GPX8: variants seen among roughly 807,000 people sequenced by gnomAD.
GPX8 encodes the protein protein peroxidase GPX8.
In GPX8, 12 loss-of-function variants were observed where a neutral mutation model predicts 17.8. The ratio of observed to expected loss-of-function variants is 0.67; its 90% CI spans 0.43 to 1.09. The LOEUF (loss-of-function observed/expected upper bound fraction) is 1.09. Ranked by LOEUF, GPX8 falls within the 50% of genes least tolerant of loss-of-function variation. The probability of loss-of-function intolerance (pLI) is 0.00; values close to 1 mark genes in which losing one functional copy is unlikely to be tolerated. For missense variants in GPX8, 209 were observed against 235.6 expected, an observed-to-expected ratio of 0.89 and a Z score of 0.74; for synonymous variants, 86 against 88.1, an observed-to-expected ratio of 0.98 and a Z score of 0.14.
chr5:55,166,863 C>G lies in GPX8; in HGVS notation c.*2645C>G, dbSNP rs999716958. ...GGCCAACATGGTGAAACCCCCATCT[C>G]TACTAAAAATACAAAAATTAGCCGG... is the stretch of plus-strand genomic sequence containing the variant. On this transcript the variant is annotated 3_prime_UTR_variant, in exon 3 of 3. Transcript: ENST00000503787. 6.6e-6 allele frequency: 1 copy of G among 152,182 alleles called. No homozygotes were observed. The highest frequency in any genetic ancestry group is 1.5e-5 in the Non-Finnish European group (1 of 68,104). The allele number at this position is 152,182 out of a possible 1,614,324, so 9.4% of individuals were successfully genotyped here.
chr5:55,164,138 G>C lies in GPX8; in HGVS notation c.550G>C (p.Glu184Gln), dbSNP rs781377475. 1 of 1,605,864 alleles carries C rather than the reference G, an allele frequency of 6.2e-7. No homozygotes were observed. The highest frequency in any genetic ancestry group is 8.5e-7 in the Non-Finnish European group (1 of 1,174,294). Residue 184 changes from glutamate (E) to glutamine (Q), a missense_variant, in exon 3 of 3, where the codon GAG (glutamate) becomes CAG (glutamine). Transcript: ENST00000503787. ...EGQVVKFWKP[E>Q]EPIEVIRPDI... is the part of the protein sequence containing the mutation. ...TCAAGTTGTGAAGTTCTGGAAGCCAGAGGAGCCCATTGAAGTCATCAGGCC... is the reference window on the plus strand; with the variant it reads ...TCAAGTTGTGAAGTTCTGGAAGCCACAGGAGCCCATTGAAGTCATCAGGCC...
Position 55,164,077 on chromosome 5 carries a change from G to A in GPX8, c.489G>A (p.Arg163=). The A allele has an allele frequency of 6.3e-7, 1 of 1,592,350 alleles. No individual in the cohort carries two copies. The highest frequency in any genetic ancestry group is 8.6e-7 in the Non-Finnish European group (1 of 1,168,274). Residue 163 remains arginine, a synonymous_variant, in exon 3 of 3, where the codon AGG becomes AGA. Transcript: ENST00000503787. ...FLVDSSKKEP[R]WNFWKYLVNP... Reference sequence around the variant, plus strand: ...TAGATTCTTCAAAGAAGGAACCAAGGTGGAATTTTTGGAAGTATCTTGTCA... The same window carrying A: ...TAGATTCTTCAAAGAAGGAACCAAGATGGAATTTTTGGAAGTATCTTGTCA...
rs552022104 is a variant in GPX8 at position 55,160,484 on chromosome 5, T to C, written c.204+88T>C. 5.3e-5 allele frequency: 53 copies of C among 993,140 alleles called. No homozygotes were observed. The East Asian group carries it at 1.2e-3, about 23-fold the overall frequency. 61.5% of individuals were successfully genotyped at this position (993,140 alleles called of 1,614,324 possible). A position where few individuals can be genotyped will look rare whatever the true frequency, so the allele number is the denominator to read the frequency against. On this transcript the variant is annotated intron_variant, in intron 1 of 2. Coordinates refer to ENST00000503787, the MANE Select transcript of GPX8 (RefSeq NM_001008397.4). ...ATAAAATCAATTTTTTGCTGTTACA[T>C]GGTCATAAGTTGGAATTTAGTCTTC...
intron 2 of GPX8, among the ~76,000 whole-genome samples, chr5:55,163,012 AATAATACCCACCTCATAGG>A (rs1744170477): frequency 6.6e-6 from 1 of 152,164 alleles, no homozygotes; most frequent in African/African-American, 2.4e-5. Context: ...CGGGGATGAT[AATAATACCCACCTCATAGG>A]GTCCCTGTAA....
In GPX8 at chr5:55,165,520, A is replaced by C. The variant is rs1010830457; in HGVS notation, c.*1302A>C. ...GAAAGTGAAGATGTTTCGTATGGCA[A>C]ATTCAGTAATGCTACCTCAGTATAT... is the stretch of plus-strand genomic sequence containing the variant. On this transcript the variant is annotated 3_prime_UTR_variant, in exon 3 of 3. Coordinates refer to ENST00000503787, the MANE Select transcript of GPX8 (RefSeq NM_001008397.4). 2.0e-5 allele frequency: 3 copies of C among 152,232 alleles called. No homozygotes were observed. Among genetic ancestry groups the C allele is most frequent in the Non-Finnish European group, 2.9e-5 (2 of 68,040 alleles). The allele number at this position is 152,232 out of a possible 1,614,324, so 9.4% of individuals were successfully genotyped here.
Position 55,164,196 on chromosome 5 carries a change from T to C in GPX8, c.608T>C (p.Ile203Thr), listed in dbSNP as rs1278584202. ...GCAGCTCTGGTTAGACAAGTGATCA[T>C]AAAAAAGAAAGAGGATCTATGAGAA... ...DIAALVRQVIIKKKEDL is the reference protein window; with the variant it reads ...DIAALVRQVITKKKEDL Residue 203 changes from isoleucine to threonine, a missense_variant, in exon 3 of 3, where the codon ATA becomes ACA. Ile to Thr is a moderately conservative substitution (Grantham distance 89). Coordinates refer to ENST00000503787, the MANE Select transcript of GPX8 (RefSeq NM_001008397.4). The C allele has an allele frequency of 1.3e-6, 2 of 1,556,060 alleles. No individual in the cohort carries two copies. Among genetic ancestry groups the C allele is most frequent in the Non-Finnish European group, 1.7e-6 (2 of 1,145,988 alleles).
Position 55,160,227 on chromosome 5 carries a change from C to T in GPX8, c.35C>T (p.Ser12Phe). 1.2e-6 allele frequency: 2 copies of T among 1,614,094 alleles called. No individual in the cohort carries two copies. Among genetic ancestry groups the T allele is most frequent in the African/African-American group, 1.3e-5 (1 of 75,036 alleles). The change falls in exon 1 of 3, where the codon TCC (serine) becomes TTC (phenylalanine). Residue 12 changes from serine to phenylalanine, a missense_variant. Physicochemically the swap from Ser to Phe is radical, Grantham distance 155 (BLOSUM62 -2). Coordinates refer to ENST00000503787, the MANE Select transcript of GPX8 (RefSeq NM_001008397.4). The stretch of plus-strand genomic sequence containing the variant: ...CTTGCAGCTTACCCGCTAAAATGTT[C>T]CGGGCCCAGAGCAAAGGTATTTGCA... ...EPLAAYPLKC[S>F]GPRAKVFAVL...
chr5:55,166,146 A>C lies in GPX8; in HGVS notation c.*1928A>C, dbSNP rs2111597964. The stretch of plus-strand genomic sequence containing the variant: ...TGCTGTGGCACTGCAGGGGTGTTTT[A>C]TGCATTCACGTTAGGAGCATGAGCA... On this transcript the variant is annotated 3_prime_UTR_variant, in exon 3 of 3. Transcript: ENST00000503787. 6.6e-6 allele frequency: 1 copy of C among 152,288 alleles called. No individual in the cohort carries two copies. Among genetic ancestry groups the C allele is most frequent in the South Asian group, 2.1e-4 (1 of 4,828 alleles). The allele number at this position is 152,288 out of a possible 1,614,324, so 9.4% of individuals were successfully genotyped here.
rs1744019153 is a variant in GPX8 at position 55,160,988 on chromosome 5, C to T, written c.205-6C>T. The stretch of plus-strand genomic sequence containing the variant: ...TTCCGGTTGGATTTTTTTCTTTTTC[C>T]GGGAGGTTTCACTAGTTGTAAACGT... On this transcript the variant is annotated splice_polypyrimidine_tract_variant and splice_region_variant and intron_variant, in intron 1 of 2. Coordinates refer to ENST00000503787, the MANE Select transcript of GPX8 (RefSeq NM_001008397.4). 1.9e-6 allele frequency: 3 copies of T among 1,580,914 alleles called. No individual in the cohort carries two copies. Among genetic ancestry groups the T allele is most frequent in the South Asian group, 2.4e-5 (2 of 84,982 alleles).
Position 55,164,627 on chromosome 5 carries a change from A to G in GPX8, c.*409A>G, listed in dbSNP as rs1186244725. ...CTGTACTTGATGAAAATGCCAACAC[A>G]CTAGACCACTCTTTGGATTCAAGAG... On this transcript the variant is annotated 3_prime_UTR_variant, in exon 3 of 3. Coordinates refer to ENST00000503787, the MANE Select transcript of GPX8 (RefSeq NM_001008397.4). The G allele has an allele frequency of 3.9e-5, 6 of 153,020 alleles. No homozygotes were observed. Among genetic ancestry groups the G allele is most frequent in the Non-Finnish European group, 4.4e-5 (3 of 68,662 alleles). 9.5% of individuals were successfully genotyped at this position (153,020 alleles called of 1,614,324 possible).
At chr5:55,162,271 C>T (rs1744116094) in intron 2 of GPX8, among the ~76,000 whole-genome samples, 1 of 152,100 alleles carries the variant, frequency 6.6e-6, no homozygotes, top group Admixed American at 6.5e-5. Context: ...TGGTGGGCAC[C>T]TGTAATCCCA....
chr5:55,163,308 G>A (rs1744189106), intron 2 of GPX8, among the ~76,000 whole-genome samples: 1 of 151,794 alleles, frequency 6.6e-6, no homozygotes. Flanking sequence ...TCACTTTAGT[G>A]CCCAGGAGTT....
At chr5:55,163,350 T>C (rs1744192096) in intron 2 of GPX8, among the ~76,000 whole-genome samples, 1 of 151,670 alleles carries the variant, frequency 6.6e-6, no homozygotes, top group Non-Finnish European at 1.5e-5. Flanking sequence ...AGCGAGACCC[T>C]GCCAAAAAAA....
rs767541344 is a variant in GPX8, at chr5:55,166,459, T to G, written c.*2241T>G. The G allele has an allele frequency of 6.6e-6, 1 of 152,228 alleles. No individual in the cohort carries two copies. 9.4% of individuals were successfully genotyped at this position (152,228 alleles called of 1,614,324 possible). A position where few individuals can be genotyped will look rare whatever the true frequency, so the allele number is the denominator to read the frequency against. Reference sequence around the variant, plus strand: ...AGGCAGGAGGAGATTTGAAAGCGTGTCATACATATTGCCTTGAAAGAAAGG... The same window carrying G: ...AGGCAGGAGGAGATTTGAAAGCGTGGCATACATATTGCCTTGAAAGAAAGG... On this transcript the variant is annotated 3_prime_UTR_variant, in exon 3 of 3. Coordinates refer to ENST00000503787, the MANE Select transcript of GPX8 (RefSeq NM_001008397.4).
intron 2 of GPX8, among the ~76,000 whole-genome samples, chr5:55,162,144 C>G (rs1229096893): frequency 6.6e-6 from 1 of 150,730 alleles, no homozygotes; most frequent in African/African-American, 2.4e-5. Flanking sequence ...GCCTGTAATC[C>G]CAGCACTTTA....
In GPX8 at chr5:55,164,961, T is replaced by C. The variant is rs1257338038; in HGVS notation, c.*743T>C. On this transcript the variant is annotated 3_prime_UTR_variant, in exon 3 of 3. Transcript: ENST00000503787. ...ATTATTTTTTAGAAGCAACTCAAATTCTGTAATCATAATATTACCAAGTAA... is the reference window on the plus strand; with the variant it reads ...ATTATTTTTTAGAAGCAACTCAAATCCTGTAATCATAATATTACCAAGTAA... 5 of 152,214 alleles carry C rather than the reference T, an allele frequency of 3.3e-5. 1 individual carries two copies. The allele number at this position is 152,214 out of a possible 1,614,324, so 9.4% of individuals were successfully genotyped here.
Position 55,164,038 on chromosome 5 carries a change from T to A in GPX8, c.467-17T>A. On this transcript the variant is annotated splice_polypyrimidine_tract_variant and intron_variant, in intron 2 of 2. Coordinates refer to ENST00000503787, the MANE Select transcript of GPX8 (RefSeq NM_001008397.4). ...GAATAAAATTATGCTCATGAAAATA[T>A]GTTCTGGATATTTTAGATTCTTCAA... 6.6e-7 allele frequency: 1 copy of A among 1,519,266 alleles called. No individual in the cohort carries two copies. The highest frequency in any genetic ancestry group is 8.9e-7 in the Non-Finnish European group (1 of 1,123,176). The allele number at this position is 1,519,266 out of a possible 1,614,324, so 94.1% of individuals were successfully genotyped here.
In GPX8 at chr5:55,165,745, G is replaced by A. The variant is rs1744346856; in HGVS notation, c.*1527G>A. 1 of 152,210 alleles carries A rather than the reference G, an allele frequency of 6.6e-6. No homozygotes were observed. The allele number at this position is 152,210 out of a possible 1,614,324, so 9.4% of individuals were successfully genotyped here. ...GAATGCCAGATGAGTGTGTCAGAAAGCCTGCTCCTACCTCTCGCCAGCTGC... is the reference window on the plus strand; with the variant it reads ...GAATGCCAGATGAGTGTGTCAGAAAACCTGCTCCTACCTCTCGCCAGCTGC... On this transcript the variant is annotated 3_prime_UTR_variant, in exon 3 of 3. Coordinates refer to ENST00000503787, the MANE Select transcript of GPX8 (RefSeq NM_001008397.4).
intron 2 of GPX8, among the ~76,000 whole-genome samples, chr5:55,161,483 A>C (rs1272158486): frequency 6.6e-6 from 1 of 152,194 alleles, no homozygotes. Flanking sequence ...AATATATTTT[A>C]TTCCTTATTA....
Sources: gnomAD v4.1 joint callset for allele counts (sites outside exome capture counted in the v4.1 genomes callset) on GRCh38, gnomAD v4.1.1 for gene constraint, MANE v1.5 for transcripts, NCBI Gene and HGNC (gene_info 2026-07-23, HGNC 2026-07-21) for gene names.